Variants in DYM observed in about 807,000 individuals in gnomAD.
The protein encoded by DYM is dymeclin.
DYM carries 78 observed loss-of-function variants against 93.1 expected under a neutral mutation model. The observed-to-expected ratio is 0.84, with a 90% confidence interval of 0.70 to 1.01. The LOEUF is 1.01. DYM is among the 50% of genes least tolerant of loss of function. The probability of loss-of-function intolerance (pLI) is 0.00; values close to 1 mark genes in which losing one functional copy is unlikely to be tolerated. For missense variants in DYM, 789 were observed against 845.0 expected, an observed-to-expected ratio of 0.93 and a Z score of 0.82; for synonymous variants, 321 against 319.7, an observed-to-expected ratio of 1.00 and a Z score of -0.04.
intron 14 of DYM, among the ~76,000 whole-genome samples, chr18:49,168,587 T>C (rs940611225): frequency 3.9e-5 from 6 of 152,180 alleles, no homozygotes; most frequent in African/African-American, 7.2e-5. Flanking sequence ...GGCCGCTTTA[T>C]GGCACATCAA....
intron 17 of DYM, among the ~76,000 whole-genome samples, chr18:49,071,122 T>C (rs566157580): frequency 2.0e-5 from 3 of 152,354 alleles, no homozygotes; most frequent in South Asian, 4.1e-4. Flanking sequence ...TTATAGTGCC[T>C]ACCTGCTTTT....
At chr18:49,275,040 C>G (rs943455902) in intron 10 of DYM, among the ~76,000 whole-genome samples, 6 of 152,134 alleles carry the variant, frequency 3.9e-5, no homozygotes, top group African/African-American at 1.2e-4. Context: ...TTATATCTAA[C>G]AGTCATTTGC....
At chr18:49,208,535 T>G (rs997388515) in intron 14 of DYM, 25 of 152,234 alleles carry the variant, frequency 1.6e-4, no homozygotes, top group Admixed American at 1.2e-3. Flanking sequence ...TATAAAATCT[T>G]TCTGCTTCCA....
chr18:49,352,177 T>C (rs1348552689), intron 6 of DYM, among the ~76,000 whole-genome samples: 2 of 152,140 alleles, frequency 1.3e-5, no homozygotes, highest in Admixed American at 6.5e-5. Flanking sequence ...CCAAATCCCA[T>C]AGAAACACAA....
chr18:49,069,129 C>T (rs72921661), intron 17 of DYM, among the ~76,000 whole-genome samples: 1,867 of 152,222 alleles, frequency 0.012, 14 homozygotes, highest in Non-Finnish European at 0.019. Context: ...TGGGATGATG[C>T]GTGAGTTAAA....
chr18:49,412,562 A>T (rs2072393465), intron 2 of DYM, among the ~76,000 whole-genome samples: 1 of 152,190 alleles, frequency 6.6e-6, no homozygotes, highest in African/African-American at 2.4e-5. Flanking sequence ...TCCCTGAGTA[A>T]AACAGCCTAG....
At chr18:49,273,190 C>T (rs1411901848) in intron 10 of DYM, among the ~76,000 whole-genome samples, 1 of 152,180 alleles carries the variant, frequency 6.6e-6, no homozygotes, top group Non-Finnish European at 1.5e-5. Context: ...AAATGTGGCA[C>T]TGGTATGTTT....
At chr18:49,355,481 A>G (rs1015126199) in intron 6 of DYM, among the ~76,000 whole-genome samples, 7 of 151,674 alleles carry the variant, frequency 4.6e-5, no homozygotes, top group African/African-American at 1.7e-4. Context: ...ATATTGATCA[A>G]TATGATACAC....
chr18:49,376,340 A>G (rs2067507352), intron 5 of DYM, among the ~76,000 whole-genome samples: 1 of 152,260 alleles, frequency 6.6e-6, no homozygotes, highest in Non-Finnish European at 1.5e-5. Context: ...CTCAAGGATG[A>G]AACTTGAATT....
At chr18:49,338,371 G>A (rs373342749) in intron 6 of DYM, among the ~76,000 whole-genome samples, 16 of 152,218 alleles carry the variant, frequency 1.1e-4, no homozygotes, top group East Asian at 7.7e-4. Flanking sequence ...GAAAGTCAAC[G>A]AATCACAACC....
chr18:49,383,114 A>C (rs1226403248), intron 3 of DYM, among the ~76,000 whole-genome samples: 2 of 152,224 alleles, frequency 1.3e-5, no homozygotes, highest in Non-Finnish European at 2.9e-5. Context: ...GAGGGAAAAG[A>C]AGAAAAAGAC....
intron 15 of DYM, among the ~76,000 whole-genome samples, chr18:49,130,811 G>C (rs967813723): frequency 1.3e-5 from 2 of 152,184 alleles, no homozygotes; most frequent in African/African-American, 4.8e-5. Flanking sequence ...GAGGCACCCT[G>C]TGAAAGTACA....
intron 16 of DYM, among the ~76,000 whole-genome samples, chr18:49,112,830 C>T (rs1011803542): frequency 1.3e-5 from 2 of 152,154 alleles, no homozygotes; most frequent in African/African-American, 4.8e-5. Context: ...ATAACTCCGT[C>T]CCACCCACTA....
At chr18:49,365,934 A>G (rs1318125669) in intron 5 of DYM, among the ~76,000 whole-genome samples, 1 of 152,246 alleles carries the variant, frequency 6.6e-6, no homozygotes, top group African/African-American at 2.4e-5. Context: ...TAAGGAGTAT[A>G]CACACAGCTT....
chr18:49,057,506 G>T (rs967915392), intron 17 of DYM, among the ~76,000 whole-genome samples: 3 of 152,220 alleles, frequency 2.0e-5, no homozygotes, highest in African/African-American at 7.2e-5. Context: ...TGCCCCATAT[G>T]TTAACTGGGG....
In DYM at chr18:49,289,200, A is replaced by G. The variant is rs537766762; in HGVS notation, c.764-2584T>C. 2.6e-5 allele frequency among the ~76,000 whole-genome samples: 4 copies of G among 152,210 alleles called. No individual in the cohort carries two copies. The South Asian group carries it at 8.3e-4, about 32-fold the overall frequency. ...AATTTTGTTAGTATTTAATTATAGA[A>G]GCATATGTATAAACCTTGAGTCAGG... is the stretch of plus-strand genomic sequence containing the variant. On this transcript the variant is annotated intron_variant, in intron 8 of 17. Coordinates refer to ENST00000675505, the MANE Select transcript of DYM (RefSeq NM_001353214.3).
At chr18:49,123,064 ATTC>A (rs2082521617) in intron 15 of DYM, among the ~76,000 whole-genome samples, 1 of 151,982 alleles carries the variant, frequency 6.6e-6, no homozygotes, top group Non-Finnish European at 1.5e-5. Flanking sequence ...TTTCCTATTT[ATTC>A]TTTTTTATGA....
Position 49,043,868 on chromosome 18 carries a change from G to A in DYM, c.*187C>T, listed in dbSNP as rs1473998382. The A allele has an allele frequency of 5.8e-5, 40 of 684,266 alleles. No individual in the cohort carries two copies. In the East Asian group the frequency reaches 8.6e-4, roughly 15 times the overall value. The allele number at this position is 684,266 out of a possible 1,614,324, so 42.4% of individuals were successfully genotyped here. A position where few individuals can be genotyped will look rare whatever the true frequency, so the allele number is the denominator to read the frequency against. ...CTCCCCTTTTTGCAATACTATCTAC[G>A]CTGAGTTATCTATTGCCAACTAGCA... On this transcript the variant is annotated 3_prime_UTR_variant, in exon 18 of 18. Transcript: ENST00000675505.
intron 2 of DYM, among the ~76,000 whole-genome samples, chr18:49,421,969 G>T (rs1300114967): frequency 6.6e-6 from 1 of 152,190 alleles, no homozygotes; most frequent in Non-Finnish European, 1.5e-5. Flanking sequence ...AGAATAAAAA[G>T]AAATGAACAA....
Sources: gnomAD v4.1 joint callset for allele counts (sites outside exome capture counted in the v4.1 genomes callset) on GRCh38, gnomAD v4.1.1 for gene constraint, MANE v1.5 for transcripts, NCBI Gene and HGNC (gene_info 2026-07-23, HGNC 2026-07-21) for gene names.